Variants in SYNPR observed in about 807,000 individuals in gnomAD.
The protein encoded by SYNPR is synaptoporin.
Under a neutral mutation model 32.9 loss-of-function variants are expected in SYNPR, and 23 were observed. The observed-to-expected ratio is 0.70, with a 90% CI of 0.50 to 0.99. The LOEUF (loss-of-function observed/expected upper bound fraction) is 0.99, where lower values mean the gene tolerates loss of function less well. Among genes scored for constraint, SYNPR ranks in the 50% least tolerant of loss-of-function variants. SYNPR has a pLI of 0.00. For synonymous variants in SYNPR, 146 were observed against 135.9 expected, an observed-to-expected ratio of 1.07 and a Z score of -0.52; for missense variants, 318 against 349.3, an observed-to-expected ratio of 0.91 and a Z score of 0.71.
At chr3:63,250,378 G>A (rs1027927845) in intron 1 of SYNPR, among the ~76,000 whole-genome samples, 3 of 151,996 alleles carry the variant, frequency 2.0e-5, no homozygotes, top group Non-Finnish European at 4.4e-5. Flanking sequence ...AGATCTCCAC[G>A]CCTGGGGCAA....
chr3:63,561,251 C>A (rs1702683960), intron 4 of SYNPR: 1 of 152,112 alleles, frequency 6.6e-6, no homozygotes, highest in Admixed American at 6.5e-5. Context: ...ACAATAACAT[C>A]AACCGATATT....
At chr3:63,256,644 C>A (rs2106895309) in intron 2 of SYNPR, among the ~76,000 whole-genome samples, 1 of 152,264 alleles carries the variant, frequency 6.6e-6, no homozygotes, top group South Asian at 2.1e-4. Context: ...AAATTGGAAA[C>A]TCTAAAAATC....
At chr3:63,612,243 A>G (rs936492231) in intron 5 of SYNPR, among the ~76,000 whole-genome samples, 1 of 152,230 alleles carries the variant, frequency 6.6e-6, no homozygotes, top group Non-Finnish European at 1.5e-5. Flanking sequence ...AATACTTAGC[A>G]TCATGCCCAG....
At chr3:63,369,353 A>C (rs1315851992) in intron 2 of SYNPR, among the ~76,000 whole-genome samples, 3 of 152,180 alleles carry the variant, frequency 2.0e-5, no homozygotes, top group Admixed American at 1.3e-4. Flanking sequence ...GAGCAAACTG[A>C]TAGAGTCTGC....
intron 2 of SYNPR, among the ~76,000 whole-genome samples, chr3:63,378,079 T>C (rs2087917472): frequency 6.6e-6 from 1 of 151,964 alleles, no homozygotes; most frequent in Non-Finnish European, 1.5e-5. Context: ...GATAATTCCA[T>C]ATGTATTTTT....
upstream of SYNPR, among the ~76,000 whole-genome samples, chr3:63,225,775 A>G (rs2086123995): frequency 6.6e-6 from 1 of 152,224 alleles, no homozygotes; most frequent in Non-Finnish European, 1.5e-5. Flanking sequence ...CCTCAAAAGC[A>G]TAGACGATTA....
At chr3:63,586,437 T>C (rs887004964) in intron 4 of SYNPR, among the ~76,000 whole-genome samples, 1 of 151,922 alleles carries the variant, frequency 6.6e-6, no homozygotes, top group Non-Finnish European at 1.5e-5. Flanking sequence ...TAAAAAGTCA[T>C]ACCAGGGAAA....
At chr3:63,311,656 C>T (rs1162241564) in intron 2 of SYNPR, among the ~76,000 whole-genome samples, 2 of 151,918 alleles carry the variant, frequency 1.3e-5, no homozygotes, top group Non-Finnish European at 2.9e-5. Flanking sequence ...GGTTGGGGAC[C>T]ACTGCTGCAG....
chr3:63,483,607 A>G (rs533211706), intron 3 of SYNPR, among the ~76,000 whole-genome samples: 1 of 152,284 alleles, frequency 6.6e-6, no homozygotes, highest in South Asian at 2.1e-4. Flanking sequence ...ATACCTTGGT[A>G]ATTTTAAAAA....
At chr3:63,342,881 G>C (rs746685273) in intron 2 of SYNPR, among the ~76,000 whole-genome samples, 6 of 152,136 alleles carry the variant, frequency 3.9e-5, no homozygotes, top group Non-Finnish European at 7.4e-5. Flanking sequence ...CTTCTTCTAA[G>C]TTGTAGAATT....
intron 2 of SYNPR, among the ~76,000 whole-genome samples, chr3:63,416,457 G>A (rs537772140): frequency 8.6e-5 from 13 of 151,004 alleles, no homozygotes; most frequent in South Asian, 2.1e-4. Flanking sequence ...GCTTGAACCC[G>A]GGACGTGGAG....
rs150470548 is a variant in SYNPR at position 63,239,868 on chromosome 3, A to G, written n.66+11488A>G. 2.5e-4 allele frequency among the ~76,000 whole-genome samples: 38 copies of G among 152,132 alleles called. 1 individual carries two copies. The East Asian group carries it at 7.4e-3, about 30-fold the overall frequency. ...CTATCCCACCATTGTCAAGTGTGTC[A>G]TGCACCCATCCTACCATTGTCACCC... On this transcript the variant is annotated intron_variant and non_coding_transcript_variant, in intron 1 of 4. Transcript: ENST00000478456.
intron 2 of SYNPR, among the ~76,000 whole-genome samples, chr3:63,417,231 C>G (rs966764638): frequency 5.9e-5 from 9 of 152,244 alleles, no homozygotes; most frequent in Non-Finnish European, 1.5e-5. Context: ...AGTCTAAAAT[C>G]CAGCAGGGCA....
the SYNPR span, among the ~76,000 whole-genome samples, chr3:63,200,887 CA>C: frequency 1.3e-5 from 2 of 151,992 alleles, no homozygotes; most frequent in Non-Finnish European, 2.9e-5. Context: ...TAGTTTAGCC[CA>C]AGTGTAATGA....
intron 2 of SYNPR, among the ~76,000 whole-genome samples, chr3:63,473,005 C>T (rs1700833082): frequency 6.6e-6 from 1 of 152,078 alleles, no homozygotes; most frequent in Non-Finnish European, 1.5e-5. Flanking sequence ...CCTGGTAGCC[C>T]ATACCTGACA....
intron 4 of SYNPR, among the ~76,000 whole-genome samples, chr3:63,593,332 T>C (rs917787004): frequency 2.6e-5 from 4 of 151,974 alleles, no homozygotes; most frequent in African/African-American, 9.7e-5. Flanking sequence ...TTTTGAGGAG[T>C]GTTTTTAACA....
intron 4 of SYNPR, among the ~76,000 whole-genome samples, chr3:63,573,264 C>G (rs59935165): frequency 0.038 from 5,800 of 152,202 alleles, 404 homozygotes; most frequent in African/African-American, 0.13. Flanking sequence ...AACAGAACAT[C>G]ATAGTGGACA....
intron 2 of SYNPR, among the ~76,000 whole-genome samples, chr3:63,342,178 A>T (rs1042509721): frequency 1.3e-5 from 2 of 152,124 alleles, no homozygotes; most frequent in Non-Finnish European, 2.9e-5. Context: ...AACTGATGTG[A>T]GTCTATTTCT....
upstream of SYNPR, among the ~76,000 whole-genome samples, chr3:63,276,350 T>C (rs539230848): frequency 6.6e-6 from 1 of 152,282 alleles, no homozygotes; most frequent in East Asian, 1.9e-4. Context: ...CTGCCTCTGA[T>C]ATGGACCTCT....
Sources: gnomAD v4.1 joint callset for allele counts (sites outside exome capture counted in the v4.1 genomes callset) on GRCh38, gnomAD v4.1.1 for gene constraint, MANE v1.5 for transcripts, NCBI Gene and HGNC (gene_info 2026-07-23, HGNC 2026-07-21) for gene names.